The following MAP2 variants were observed in gnomAD, a reference collection of about 807,000 sequenced individuals.
MAP2 encodes microtubule-associated protein 2.
In MAP2, 14 loss-of-function variants were observed where a neutral mutation model predicts 137.6. The observed-to-expected ratio is 0.10, with a 90% CI of 0.07 to 0.16. The LOEUF (loss-of-function observed/expected upper bound fraction) is 0.16. Ranked by LOEUF, MAP2 falls within the 10% of genes least tolerant of loss-of-function variation. The probability of loss-of-function intolerance (pLI) is 1.00; values close to 1 mark genes in which losing one functional copy is unlikely to be tolerated. For missense variants in MAP2, 2,088 were observed against 2,191.5 expected (o/e 0.95, Z 0.94); for synonymous variants, 786 against 782.3 (o/e 1.00, Z -0.08).
chr2:209,635,954 T>G (rs1581534195), intron 4 of MAP2, among the ~76,000 whole-genome samples: 1 of 152,142 alleles, frequency 6.6e-6, no homozygotes, highest in Admixed American at 6.6e-5. Flanking sequence ...AAGACCCCAA[T>G]GTGGCTGAAC....
At chr2:209,449,554 TTATA>T (rs932424412) in intron 1 of MAP2, among the ~76,000 whole-genome samples, 1 of 148,534 alleles carries the variant, frequency 6.7e-6, no homozygotes, top group African/African-American at 2.6e-5. Flanking sequence ...TCAGAACTTG[TTATA>T]TATATATAAA....
At chr2:209,494,013 G>T (rs1158021213) in intron 1 of MAP2, among the ~76,000 whole-genome samples, 1 of 152,136 alleles carries the variant, frequency 6.6e-6, no homozygotes, top group African/African-American at 2.4e-5. Flanking sequence ...CTTCACAATA[G>T]CAAAGACTTG....
At chr2:209,503,826 G>A (rs949219533) in intron 1 of MAP2, among the ~76,000 whole-genome samples, 3 of 152,146 alleles carry the variant, frequency 2.0e-5, no homozygotes, top group Non-Finnish European at 4.4e-5. Context: ...TATTTTGTGT[G>A]CTGCAAACGT....
Position 209,653,314 on chromosome 2 carries a change from C to T in MAP2, c.144C>T (p.Phe48=), listed in dbSNP as rs775418071. 18 of 1,614,124 alleles carry T rather than the reference C, an allele frequency of 1.1e-5. No individual in the cohort carries two copies. In the South Asian group the frequency reaches 2.0e-4, roughly 18 times the overall value. ...GEGLVRSANG[F]PYREDEEGAF... Reference sequence around the variant, plus strand: ...GACTTGTCCGAAGCGCCAATGGATTCCCATACAGGGAGGATGAAGAGGGTG... The same window carrying T: ...GACTTGTCCGAAGCGCCAATGGATTTCCATACAGGGAGGATGAAGAGGGTG... Residue 48 remains phenylalanine (F), a synonymous_variant, in exon 5 of 16, where the codon TTC becomes TTT. Coordinates refer to ENST00000682079, the MANE Select transcript of MAP2 (RefSeq NM_001375505.1).
At chr2:209,504,864 A>G (rs2060838801) in intron 1 of MAP2, among the ~76,000 whole-genome samples, 1 of 152,034 alleles carries the variant, frequency 6.6e-6, no homozygotes, top group Non-Finnish European at 1.5e-5. Context: ...TAGGCAGTGT[A>G]TCCACTCTGT....
intron 2 of MAP2, among the ~76,000 whole-genome samples, chr2:209,575,595 A>T (rs2075250988): frequency 6.6e-6 from 1 of 151,276 alleles, no homozygotes; most frequent in Admixed American, 6.6e-5. Flanking sequence ...CAATATTTTT[A>T]AGAAAGACTG....
chr2:209,659,852 C>T (rs2153629827), intron 5 of MAP2, among the ~76,000 whole-genome samples: 1 of 152,036 alleles, frequency 6.6e-6, no homozygotes, highest in South Asian at 2.1e-4. Context: ...TCCTGGCTAA[C>T]ACTGTGAAAC....
chr2:209,677,403 T>TAGATAGAC (rs148418603), intron 5 of MAP2, among the ~76,000 whole-genome samples: 8,571 of 146,258 alleles, frequency 0.059, 292 homozygotes, highest in East Asian at 0.18. Context: ...GATAGATAGA[T>TAGATAGAC]AGACAGACAG....
At chr2:209,474,334 T>G (rs1346639603) in intron 1 of MAP2, among the ~76,000 whole-genome samples, 1 of 152,144 alleles carries the variant, frequency 6.6e-6, no homozygotes, top group Non-Finnish European at 1.5e-5. Context: ...AGTTGGATTT[T>G]TTTTTCTTAG....
rs149469614 is a variant in MAP2 at position 209,560,596 on chromosome 2, T to G, written c.-171-19440T>G. 2.6e-5 allele frequency among the ~76,000 whole-genome samples: 4 copies of G among 150,946 alleles called. No individual in the cohort carries two copies. In the East Asian group the frequency reaches 5.9e-4, roughly 22 times the overall value. On this transcript the variant is annotated intron_variant, in intron 2 of 15. Transcript: ENST00000682079. ...CTGAGCTCAAGCAATCCCCCACCCC[T>G]CAGGCTCTCAAAGTGCGGGGATTAC...
rs1272879735 is a variant in MAP2, at chr2:209,528,470, G to A, written c.-172+20829G>A. 2.6e-5 allele frequency among the ~76,000 whole-genome samples: 4 copies of A among 152,104 alleles called. No individual in the cohort carries two copies. The East Asian group carries it at 7.7e-4, about 29-fold the overall frequency. On this transcript the variant is annotated intron_variant, in intron 2 of 15. Transcript: ENST00000682079. ...TTAATTTATAAAATAGCAATATAAT[G>A]TTATATTTGCTTTTTTATTAAAACC...
At chr2:209,484,902 C>T (rs10167168) in intron 1 of MAP2, among the ~76,000 whole-genome samples, 5 of 152,260 alleles carry the variant, frequency 3.3e-5, no homozygotes, top group African/African-American at 1.2e-4. Context: ...AAGAAATCTT[C>T]TTAAAGAACT....
chr2:209,611,956 C>A (rs1580545227), intron 3 of MAP2, among the ~76,000 whole-genome samples: 1 of 152,028 alleles, frequency 6.6e-6, no homozygotes, highest in Non-Finnish European at 1.5e-5. Flanking sequence ...GTATCACTAC[C>A]AAAAATAAAT....
rs1371982188 is a variant in MAP2, at chr2:209,696,997, G to T, written c.4468G>T (p.Ala1490Ser). ...CTCCAGGAAATTCATTTTAAAACCT[G>T]CTATCAAATATACTAGACCAACTCA... ...SPSRKFILKPAIKYTRPTHLS... is the reference protein window; with the variant it reads ...SPSRKFILKPSIKYTRPTHLS... Residue 1490 changes from alanine (A) to serine (S), a missense_variant, in exon 10 of 16, where the codon GCT becomes TCT. Ala to Ser is a moderately conservative substitution (Grantham distance 99, BLOSUM62 1). Coordinates refer to ENST00000682079, the MANE Select transcript of MAP2 (RefSeq NM_001375505.1). 5 of 1,613,202 alleles carry T rather than the reference G, an allele frequency of 3.1e-6. No individual in the cohort carries two copies. In the African/African-American group the frequency reaches 6.7e-5, roughly 22 times the overall value.
intron 2 of MAP2, among the ~76,000 whole-genome samples, chr2:209,573,237 G>A (rs903218707): frequency 3.3e-5 from 5 of 151,344 alleles, no homozygotes; most frequent in African/African-American, 1.2e-4. Context: ...CCTAGAGACT[G>A]GGACCTTTTT....
chr2:209,481,426 A>G (rs1000771672), intron 1 of MAP2, among the ~76,000 whole-genome samples: 2 of 152,168 alleles, frequency 1.3e-5, no homozygotes, highest in African/African-American at 4.8e-5. Flanking sequence ...TGTGGCTAGG[A>G]CATTGTTTCA....
chr2:209,628,911 A>G (rs1277021344), intron 4 of MAP2, among the ~76,000 whole-genome samples: 1 of 152,232 alleles, frequency 6.6e-6, no homozygotes, highest in Admixed American at 6.5e-5. Flanking sequence ...TGCTCTGCAC[A>G]CAGAGTACCT....
At chr2:209,609,722 G>A (rs1364466173) in intron 3 of MAP2, among the ~76,000 whole-genome samples, 1 of 152,120 alleles carries the variant, frequency 6.6e-6, no homozygotes, top group Non-Finnish European at 1.5e-5. Context: ...ATCAGTTGAC[G>A]GACATTTAAG....
intron 1 of MAP2, among the ~76,000 whole-genome samples, chr2:209,488,552 T>C (rs2058678390): frequency 6.6e-6 from 1 of 152,182 alleles, no homozygotes; most frequent in African/African-American, 2.4e-5. Context: ...AAACACTTGC[T>C]GCCAGCACAG....
Sources: allele counts gnomAD v4.1 joint callset (sites outside exome capture counted in the v4.1 genomes callset), GRCh38; gene constraint gnomAD v4.1.1; transcripts MANE v1.5; gene names NCBI Gene and HGNC (gene_info 2026-07-23, HGNC 2026-07-21).